SAMD12: variants seen among roughly 807,000 people sequenced by gnomAD.
SAMD12 encodes the protein sterile alpha motif domain containing 12, also known as sterile alpha motif domain-containing protein 12.
Under a neutral mutation model 15.0 loss-of-function variants are expected in SAMD12, and 9 were observed. That is an observed-to-expected ratio of 0.60 (90% CI 0.36 to 1.05). The LOEUF is 1.05. Ranked by LOEUF, SAMD12 falls within the 50% of genes least tolerant of loss-of-function variation. SAMD12 has a pLI of 0.01. For synonymous variants in SAMD12, 86 were observed against 90.1 expected (o/e 0.96, Z 0.25); for missense variants, 230 against 234.2 (o/e 0.98, Z 0.12).
intron 4 of SAMD12, among the ~76,000 whole-genome samples, chr8:118,302,015 A>G (rs960712885): frequency 6.6e-6 from 1 of 151,294 alleles, no homozygotes; most frequent in African/African-American, 2.4e-5. Context: ...CAGTATATAA[A>G]TACACAGATA....
chr8:118,175,516 T>G, the SAMD12 span, among the ~76,000 whole-genome samples: 1 of 152,130 alleles, frequency 6.6e-6, no homozygotes, highest in Non-Finnish European at 1.5e-5. Flanking sequence ...ACTAAAGAGC[T>G]CTTGCACAGC....
chr8:118,269,414 G>A (rs1391241040), intron 4 of SAMD12, among the ~76,000 whole-genome samples: 7 of 152,056 alleles, frequency 4.6e-5, no homozygotes, highest in African/African-American at 1.7e-4. Flanking sequence ...ATGTTTATTT[G>A]TAACTTATAT....
chr8:118,137,660 G>A, the SAMD12 span, among the ~76,000 whole-genome samples: 2 of 152,124 alleles, frequency 1.3e-5, no homozygotes, highest in African/African-American at 4.8e-5. Flanking sequence ...CTTCTGTGCT[G>A]TGTCTTTATG....
intron 1 of SAMD12, among the ~76,000 whole-genome samples, chr8:118,608,751 G>A (rs564365334): frequency 2.0e-5 from 3 of 152,252 alleles, no homozygotes; most frequent in African/African-American, 4.8e-5. Context: ...TAATCTGCCC[G>A]CCTGGGCTTC....
At chr8:118,339,317 G>A (rs1208754256) in intron 4 of SAMD12, among the ~76,000 whole-genome samples, 2 of 152,118 alleles carry the variant, frequency 1.3e-5, no homozygotes, top group Non-Finnish European at 2.9e-5. Context: ...GCCACAGAGT[G>A]AGACCCTGTC....
intron 4 of SAMD12, among the ~76,000 whole-genome samples, chr8:118,333,904 TGTGTGC>T (rs1390064645): frequency 7.3e-6 from 1 of 137,162 alleles, no homozygotes. Flanking sequence ...TGTGTGTGTG[TGTGTGC>T]ACGTTGGCAG....
chr8:118,385,796 G>A (rs1819923996), intron 3 of SAMD12, among the ~76,000 whole-genome samples: 1 of 152,110 alleles, frequency 6.6e-6, no homozygotes, highest in Non-Finnish European at 1.5e-5. Context: ...ACCACAAATT[G>A]ATGCTCTCAA....
chr8:118,483,139 T>A (rs1824175374), intron 2 of SAMD12, among the ~76,000 whole-genome samples: 1 of 152,178 alleles, frequency 6.6e-6, no homozygotes, highest in African/African-American at 2.4e-5. Flanking sequence ...GGAAGAGGTA[T>A]AAGGGCATTA....
At chr8:118,292,384 G>A (rs868528631) in intron 4 of SAMD12, among the ~76,000 whole-genome samples, 2 of 47,052 alleles carry the variant, frequency 4.3e-5, no homozygotes, top group African/African-American at 2.1e-4. Flanking sequence ...ACATATTCCG[G>A]AGACCTTGGA....
At chr8:118,481,411 T>C (rs2130990605) in intron 2 of SAMD12, among the ~76,000 whole-genome samples, 1 of 152,238 alleles carries the variant, frequency 6.6e-6, no homozygotes, top group African/African-American at 2.4e-5. Flanking sequence ...ATTTGCTGAA[T>C]AGCAGGTTAG....
chr8:118,543,931 C>G (rs868237670), intron 2 of SAMD12, among the ~76,000 whole-genome samples: 3 of 152,108 alleles, frequency 2.0e-5, no homozygotes, highest in African/African-American at 7.2e-5. Context: ...CTAAATGAAT[C>G]TTACCCAATT....
chr8:118,165,226 A>G, the SAMD12 span, among the ~76,000 whole-genome samples: 1 of 152,080 alleles, frequency 6.6e-6, no homozygotes, highest in Non-Finnish European at 1.5e-5. Flanking sequence ...TTTCTTGGGT[A>G]TGATGATTTG....
In SAMD12 at chr8:118,210,947, T is replaced by A. The variant is rs1166511062; in HGVS notation, c.434-13215A>T. ...TTGATTGCTGTCCTAGGCACTGTGC[T>A]AAACATCAGGGATATAAAAATGAAC... is the stretch of plus-strand genomic sequence containing the variant. On this transcript the variant is annotated intron_variant, in intron 4 of 4. Coordinates refer to the SAMD12 transcript ENST00000409003. 2.6e-5 allele frequency among the ~76,000 whole-genome samples: 4 copies of A among 152,202 alleles called. No individual in the cohort carries two copies. In the East Asian group the frequency reaches 7.7e-4, roughly 29 times the overall value.
intron 4 of SAMD12, among the ~76,000 whole-genome samples, chr8:118,318,690 A>G (rs1327980599): frequency 6.6e-6 from 1 of 151,940 alleles, no homozygotes; most frequent in African/African-American, 2.4e-5. Context: ...ACCAAAAACC[A>G]CTTGTATTCC....
chr8:118,588,222 G>C (rs1278444285), intron 1 of SAMD12, among the ~76,000 whole-genome samples: 3 of 152,092 alleles, frequency 2.0e-5, no homozygotes, highest in Non-Finnish European at 4.4e-5. Flanking sequence ...TGTGTGTCTG[G>C]TCATTAATGT....
chr8:118,169,584 G>A, the SAMD12 span, among the ~76,000 whole-genome samples: 1 of 152,124 alleles, frequency 6.6e-6, no homozygotes, highest in African/African-American at 2.4e-5. Flanking sequence ...CATGGTTCAG[G>A]ACCACTTGTA....
intron 4 of SAMD12, among the ~76,000 whole-genome samples, chr8:118,255,371 T>C (rs1002091192): frequency 4.6e-5 from 7 of 152,110 alleles, no homozygotes; most frequent in Non-Finnish European, 8.8e-5. Context: ...ATTATTATTA[T>C]ACTTTAAGTT....
Position 118,378,582 on chromosome 8 carries a change from A to G in SAMD12, c.*835T>C, listed in dbSNP as rs1563810090. On this transcript the variant is annotated 3_prime_UTR_variant, in exon 4 of 4. Coordinates refer to ENST00000314727, the MANE Select transcript of SAMD12 (RefSeq NM_207506.3). ...TTACTAGGTTAATCTAAATGCAATA[A>G]CATGAAACTTGGCTGACCCAGATTT... 2 of 985,240 alleles carry G rather than the reference A, an allele frequency of 2.0e-6. No individual in the cohort carries two copies. The highest frequency in any genetic ancestry group is 6.2e-5 in the Admixed American group (1 of 16,260). 61.0% of individuals were successfully genotyped at this position (985,240 alleles called of 1,614,324 possible). A position where few individuals can be genotyped will look rare whatever the true frequency, so the allele number is the denominator to read the frequency against.
At chr8:118,258,496 C>T (rs1052104125) in intron 4 of SAMD12, among the ~76,000 whole-genome samples, 5 of 152,016 alleles carry the variant, frequency 3.3e-5, no homozygotes, top group Non-Finnish European at 7.4e-5. Context: ...GGCACCATGC[C>T]ACTATGTTAG....
Sources: gnomAD v4.1 joint callset for allele counts (sites outside exome capture counted in the v4.1 genomes callset) on GRCh38, gnomAD v4.1.1 for gene constraint, MANE v1.5 for transcripts, NCBI Gene and HGNC (gene_info 2026-07-23, HGNC 2026-07-21) for gene names.